TMCO5A: variants seen among roughly 807,000 people sequenced by gnomAD.
TMCO5A encodes transmembrane and coiled-coil domain-containing protein 5A.
TMCO5A carries 34 observed loss-of-function variants against 42.3 expected under a neutral mutation model. The observed-to-expected ratio is 0.80, with a 90% CI of 0.61 to 1.07. The LOEUF is 1.07. TMCO5A is among the 50% of genes least tolerant of loss of function. TMCO5A has a pLI of 0.00. For missense variants in TMCO5A, 357 were observed against 327.9 expected (o/e 1.09, Z -0.69); for synonymous variants, 131 against 115.6 (o/e 1.13, Z -0.86).
intron 6 of TMCO5A, among the ~76,000 whole-genome samples, chr15:37,938,630 AGT>A: frequency 6.6e-6 from 1 of 152,096 alleles, no homozygotes; most frequent in East Asian, 1.9e-4. Context: ...AACTTCAAAA[AGT>A]TGTGTGAGTT....
At position 37,937,004 on chromosome 15, in the gene TMCO5A, G is replaced by T. The variant is rs574611932; in HGVS notation, c.264+34G>T. The T allele has an allele frequency of 5.6e-6, 9 of 1,609,442 alleles. No individual in the cohort carries two copies. In the South Asian group the frequency reaches 9.9e-5, roughly 18 times the overall value. ...GAAGTTGGGAAGAGCCATTTAATAGGTTGCATTCCTCATTCCATCCTTCAT... is the reference window on the plus strand; with the variant it reads ...GAAGTTGGGAAGAGCCATTTAATAGTTTGCATTCCTCATTCCATCCTTCAT... On this transcript the variant is annotated intron_variant, in intron 4 of 11. Transcript: ENST00000319669.
At chr15:37,977,788 T>C in the TMCO5A span, among the ~76,000 whole-genome samples, 1 of 152,208 alleles carries the variant, frequency 6.6e-6, no homozygotes, top group Non-Finnish European at 1.5e-5. Flanking sequence ...GGTCTTTCAC[T>C]TGTTTCTTAC....
At chr15:37,949,234 T>C (rs1404434897) in intron 11 of TMCO5A, among the ~76,000 whole-genome samples, 1 of 152,044 alleles carries the variant, frequency 6.6e-6, no homozygotes, top group Non-Finnish European at 1.5e-5. Flanking sequence ...AATAACATAA[T>C]CATGGATAGA....
At chr15:37,968,582 CTTTTTT>C (rs61091144), downstream of TMCO5A, among the ~76,000 whole-genome samples, 3 of 131,156 alleles carry the variant, frequency 2.3e-5, no homozygotes, top group African/African-American at 8.4e-5. Flanking sequence ...TTCTACATTT[CTTTTTT>C]TTTTTTTTTT....
At chr15:37,985,886 T>A in the TMCO5A span, among the ~76,000 whole-genome samples, 40 of 149,618 alleles carry the variant, frequency 2.7e-4, no homozygotes, top group African/African-American at 5.8e-4. Context: ...GCTTTTTTTT[T>A]AAAATTAACT....
chr15:37,962,397 C>A (rs536879383), intron 11 of TMCO5A, among the ~76,000 whole-genome samples: 35 of 152,118 alleles, frequency 2.3e-4, no homozygotes, highest in South Asian at 1.0e-3. Flanking sequence ...CCCACTTGAT[C>A]ATGATGGATT....
At chr15:37,994,137 T>C in the TMCO5A span, among the ~76,000 whole-genome samples, 1 of 152,144 alleles carries the variant, frequency 6.6e-6, no homozygotes, top group Admixed American at 6.5e-5. Context: ...GGATCCACTG[T>C]TGGTGTCCCT....
chr15:38,033,474 CTAAGA>C, the TMCO5A span, among the ~76,000 whole-genome samples: 1 of 152,012 alleles, frequency 6.6e-6, no homozygotes, highest in Non-Finnish European at 1.5e-5. Context: ...AATTTGAGAT[CTAAGA>C]TATTTCCTCC....
the TMCO5A span, among the ~76,000 whole-genome samples, chr15:38,015,984 G>A: frequency 6.6e-6 from 1 of 152,190 alleles, no homozygotes; most frequent in Non-Finnish European, 1.5e-5. Flanking sequence ...AACAGTAGAT[G>A]TGTGTCATTT....
chr15:37,980,723 G>A, the TMCO5A span, among the ~76,000 whole-genome samples: 1,163 of 150,294 alleles, frequency 7.7e-3, 19 homozygotes, highest in African/African-American at 0.026. Flanking sequence ...GTGGAACCTG[G>A]AAGTTTGTTC....
intron 11 of TMCO5A, among the ~76,000 whole-genome samples, chr15:37,959,386 G>A (rs1890367344): frequency 6.6e-6 from 1 of 151,802 alleles, no homozygotes; most frequent in Non-Finnish European, 1.5e-5. Flanking sequence ...ACCAAAACCA[G>A]ACAAAGACAC....
chr15:37,966,729 C>T, exon 12 of TMCO5A: 1 of 702,540 alleles, frequency 1.4e-6, no homozygotes, highest in Non-Finnish European at 2.6e-6. Flanking sequence ...ACAGGTTCAG[C>T]AGTAAAGTCC....
chr15:38,039,071 T>G, the TMCO5A span, among the ~76,000 whole-genome samples: 1 of 152,206 alleles, frequency 6.6e-6, no homozygotes, highest in African/African-American at 2.4e-5. Flanking sequence ...GAGATTCACA[T>G]CATCAGCTGT....
At chr15:38,009,732 T>G in the TMCO5A span, among the ~76,000 whole-genome samples, 56,591 of 152,106 alleles carry the variant, frequency 0.37, 11,812 homozygotes, top group Middle Eastern at 0.51. Flanking sequence ...CACCACTAAA[T>G]AGCTGTGTGA....
At chr15:37,984,824 C>G in the TMCO5A span, 1 of 151,584 alleles carries the variant, frequency 6.6e-6, no homozygotes, top group Non-Finnish European at 1.5e-5. Context: ...GGACTTCCCA[C>G]CCTTCAGAAC....
the TMCO5A span, among the ~76,000 whole-genome samples, chr15:37,980,926 C>CT: frequency 6.6e-6 from 1 of 152,098 alleles, no homozygotes; most frequent in Admixed American, 6.6e-5. Context: ...TTTAAGAAAA[C>CT]TTTTTTTAAA....
the TMCO5A span, among the ~76,000 whole-genome samples, chr15:38,019,008 G>T: frequency 1.3e-5 from 2 of 152,180 alleles, no homozygotes; most frequent in East Asian, 1.9e-4. Context: ...TGGAGGTAAA[G>T]AATATTTTCA....
At chr15:38,029,506 G>A in the TMCO5A span, among the ~76,000 whole-genome samples, 1 of 151,926 alleles carries the variant, frequency 6.6e-6, no homozygotes, top group Non-Finnish European at 1.5e-5. Flanking sequence ...TGTCTTTCAG[G>A]CTGAAATGCA....
chr15:37,973,005 T>C, the TMCO5A span, among the ~76,000 whole-genome samples: 2 of 152,220 alleles, frequency 1.3e-5, no homozygotes, highest in Non-Finnish European at 2.9e-5. Context: ...GGCTAACCAG[T>C]TATTCCAGTT....
Sources: gnomAD v4.1 joint callset for allele counts (sites outside exome capture counted in the v4.1 genomes callset) on GRCh38, gnomAD v4.1.1 for gene constraint, MANE v1.5 for transcripts, NCBI Gene and HGNC (gene_info 2026-07-23, HGNC 2026-07-21) for gene names.